Variants in DEFB108B observed in about 807,000 individuals in gnomAD.
DEFB108B encodes beta-defensin 108B.
Under a neutral mutation model 2.4 loss-of-function variants are expected in DEFB108B, and 3 were observed. That is an observed-to-expected ratio of 1.25 (90% CI 0.57 to 3.24). The LOEUF (loss-of-function observed/expected upper bound fraction) is 3.24. DEFB108B is among the 30% of genes most tolerant of loss of function. The pLI, the probability that DEFB108B is intolerant of heterozygous loss-of-function variation, is 0.03. For missense variants in DEFB108B, 101 were observed against 87.8 expected (o/e 1.15, Z -0.60); for synonymous variants, 25 against 28.7 (o/e 0.87, Z 0.41).
intron 1 of DEFB108B, among the ~76,000 whole-genome samples, chr11:71,836,374 G>C (rs548021449): frequency 2.0e-5 from 3 of 152,032 alleles, no homozygotes; most frequent in Non-Finnish European, 4.4e-5. Flanking sequence ...CAGTTAAATA[G>C]GCATTTATTG....
chr11:71,836,389 T>C (rs1345360021), intron 1 of DEFB108B, among the ~76,000 whole-genome samples: 1 of 152,212 alleles, frequency 6.6e-6, no homozygotes, highest in African/African-American at 2.4e-5. Context: ...TTATTGAATG[T>C]TTATTAAAAT....
At chr11:71,835,599 C>G (rs1209782610) in intron 1 of DEFB108B, among the ~76,000 whole-genome samples, 1 of 151,880 alleles carries the variant, frequency 6.6e-6, no homozygotes, top group Non-Finnish European at 1.5e-5. Flanking sequence ...GGATATACAC[C>G]CAGTAGTGAG....
chr11:71,836,793 T>A (rs527836439), intron 1 of DEFB108B, among the ~76,000 whole-genome samples: 80 of 152,320 alleles, frequency 5.3e-4, no homozygotes, highest in African/African-American at 1.8e-3. Flanking sequence ...CTGGCACAGA[T>A]ATATTTGTGT....
At position 71,837,678 on chromosome 11, in the gene DEFB108B, A is replaced by G. The variant is rs2121259556; in HGVS notation, c.*116A>G. ...CACAGGGATTTTTATTGAATCCTCA[A>G]AAAAGAATAAACCAAAACCAACCAG... is the stretch of plus-strand genomic sequence containing the variant. On this transcript the variant is annotated 3_prime_UTR_variant, in exon 2 of 2. Coordinates refer to ENST00000328698, the MANE Select transcript of DEFB108B (RefSeq NM_001002035.2). 1 of 1,366,080 alleles carries G rather than the reference A, an allele frequency of 7.3e-7. No homozygotes were observed. Among genetic ancestry groups the G allele is most frequent in the South Asian group, 1.5e-5 (1 of 67,628 alleles). 84.6% of individuals were successfully genotyped at this position (1,366,080 alleles called of 1,614,324 possible).
intron 1 of DEFB108B, among the ~76,000 whole-genome samples, chr11:71,836,800 G>T (rs138508288): frequency 6.6e-6 from 1 of 152,172 alleles, no homozygotes; most frequent in South Asian, 2.1e-4. Flanking sequence ...AGATATATTT[G>T]TGTATTAAAC....
chr11:71,835,481 C>T (rs1447608608), intron 1 of DEFB108B, among the ~76,000 whole-genome samples: 2 of 152,178 alleles, frequency 1.3e-5, no homozygotes, highest in African/African-American at 2.4e-5. Context: ...TTTATTCAAT[C>T]CACTGTTGAT....
rs367546709 is a variant in DEFB108B at position 71,837,497 on chromosome 11, C to T, written c.157C>T (p.Gln53Ter). The T allele has an allele frequency of 1.6e-4, 255 of 1,611,792 alleles. No individual in the cohort carries two copies. Among genetic ancestry groups the T allele is most frequent in the Middle Eastern group, 2.2e-4 (1 of 4,450 alleles). Reference protein sequence around the residue: ...EIHVGRCLNSQPCCLPLGHQP... With the variant: ...EIHVGRCLNS ...CCATGTTGGGAGATGTTTAAATAGC[C>T]AACCCTGCTGCCTGCCTCTGGGGCA... The change falls in exon 2 of 2, where the codon CAA becomes TAA. Residue 53 changes from glutamine (Q) to a stop codon, truncating the protein, a stop_gained. Transcript: ENST00000328698. LOFTEE classifies it low-confidence loss of function (END_TRUNC).
chr11:71,836,321 C>G (rs566941997), intron 1 of DEFB108B, among the ~76,000 whole-genome samples: 88 of 152,160 alleles, frequency 5.8e-4, no homozygotes, highest in African/African-American at 2.1e-3. Context: ...GCTTTGTGAC[C>G]ACTGAAAAGT....
intron 1 of DEFB108B, 129 bp from the exon 2 acceptor site, chr11:71,837,270 A>T: frequency 5.9e-6 from 6 of 1,019,092 alleles, no homozygotes; most frequent in South Asian, 1.5e-5. Flanking sequence ...ATCAAATCAC[A>T]CACACACACA....
chr11:71,835,654 T>C lies in DEFB108B; in HGVS notation c.59-1745T>C, dbSNP rs59647065. On this transcript the variant is annotated intron_variant, in intron 1 of 1. Transcript: ENST00000328698. The stretch of plus-strand genomic sequence containing the variant: ...GTTCTGTATTAAGTTTCTTGAAAAG[T>C]GGTTTGAAAATATAATGCTCAATAG... Among the ~76,000 whole-genome samples, 1,074 of 152,250 alleles carry C rather than the reference T, an allele frequency of 7.1e-3. 16 individuals carry two copies. Among genetic ancestry groups the C allele is most frequent in the African/African-American group, 0.022 (918 of 41,560 alleles).
Position 71,837,520 on chromosome 11 carries a change from G to T in DEFB108B, c.180G>T (p.Gly60=). 6.2e-7 allele frequency: 1 copy of T among 1,611,908 alleles called. No individual in the cohort carries two copies. Among genetic ancestry groups the T allele is most frequent in the Non-Finnish European group, 8.5e-7 (1 of 1,179,824 alleles). Residue 60 remains glycine (G), a synonymous_variant, in exon 2 of 2, where the codon GGG becomes GGT. Transcript: ENST00000328698. The part of the protein sequence containing the change: ...LNSQPCCLPL[G]HQPRIESTTP... ...GCCAACCCTGCTGCCTGCCTCTGGGGCATCAACCAAGAATTGAGAGCACTA... is the reference window on the plus strand; with the variant it reads ...GCCAACCCTGCTGCCTGCCTCTGGGTCATCAACCAAGAATTGAGAGCACTA...
intron 1 of DEFB108B, 92 bp from the exon 2 acceptor site, chr11:71,837,307 T>C: frequency 6.8e-7 from 1 of 1,473,610 alleles, no homozygotes; most frequent in Non-Finnish European, 9.4e-7. Flanking sequence ...CACACAAGAT[T>C]ATTTTCAAGC....
intron 1 of DEFB108B, among the ~76,000 whole-genome samples, chr11:71,835,761 C>A (rs1590715323): frequency 6.6e-6 from 1 of 152,248 alleles, no homozygotes; most frequent in East Asian, 1.9e-4. Flanking sequence ...AAACATATTG[C>A]AAGTTAGAAA....
chr11:71,837,425 G>A lies in DEFB108B; in HGVS notation c.85G>A (p.Glu29Lys). Residue 29 changes from glutamate to lysine, a missense_variant, in exon 2 of 2, where the codon GAA becomes AAA. Transcript: ENST00000328698. ...CAGGGGCAAATTCAAGGAGATCTGT[G>A]AACGTCCAAATGGCTCCTGTCGGGA... ...PARGKFKEICERPNGSCRDFC... is the reference protein window; with the variant it reads ...PARGKFKEICKRPNGSCRDFC... 2 of 1,611,946 alleles carry A rather than the reference G, an allele frequency of 1.2e-6. No homozygotes were observed. The highest frequency in any genetic ancestry group is 1.7e-6 in the Non-Finnish European group (2 of 1,179,804).
At chr11:71,836,618 T>C (rs1250167924) in intron 1 of DEFB108B, among the ~76,000 whole-genome samples, 1 of 152,318 alleles carries the variant, frequency 6.6e-6, no homozygotes, top group Middle Eastern at 3.4e-3. Flanking sequence ...AGGACATAAA[T>C]GAAATACTAT....
chr11:71,837,477 T>C lies in DEFB108B; in HGVS notation c.137T>C (p.Val46Ala), dbSNP rs199595023. 42 of 1,611,940 alleles carry C rather than the reference T, an allele frequency of 2.6e-5. No individual in the cohort carries two copies. Among genetic ancestry groups the C allele is most frequent in the East Asian group, 6.7e-5 (3 of 44,882 alleles). The change falls in exon 2 of 2, where the codon GTT becomes GCT. Residue 46 changes from valine (V) to alanine (A), a missense_variant. By Grantham distance (64) the Val-to-Ala change is moderately conservative. Transcript: ENST00000328698. Reference protein sequence around the residue: ...RDFCLETEIHVGRCLNSQPCC... With the variant: ...RDFCLETEIHAGRCLNSQPCC... Reference sequence around the variant, plus strand: ...TTTTGCCTTGAAACAGAAATCCATGTTGGGAGATGTTTAAATAGCCAACCC... The same window carrying C: ...TTTTGCCTTGAAACAGAAATCCATGCTGGGAGATGTTTAAATAGCCAACCC...
intron 1 of DEFB108B, 113 bp downstream of exon 1, chr11:71,833,370 G>A (rs1952192933): frequency 6.7e-7 from 1 of 1,500,846 alleles, no homozygotes; most frequent in Non-Finnish European, 9.0e-7. Context: ...TAGGAAATCT[G>A]GAAGACTCAT....
At position 71,837,412 on chromosome 11, in the gene DEFB108B, C is replaced by CAA. The variant is rs775589583; in HGVS notation, c.73_74dup (p.Glu26ArgfsTer26). The CAA allele has an allele frequency of 9.9e-6, 16 of 1,611,692 alleles. No individual in the cohort carries two copies. The African/African-American group carries it at 2.1e-4, about 22-fold the overall frequency. On this transcript the variant is annotated frameshift_variant, in exon 2 of 2. Coordinates refer to ENST00000328698, the MANE Select transcript of DEFB108B (RefSeq NM_001002035.2). LOFTEE classifies it low-confidence loss of function (END_TRUNC). ...TTCTTCATGTAGCCAGGGGCAAATT[C>CAA]AAGGAGATCTGTGAACGTCCAAATG...
chr11:71,834,575 C>T lies in DEFB108B; in HGVS notation c.58+1318C>T, dbSNP rs528095131. ...ATTACTCACAGTCAAAAATGGGATG[C>T]AACAAGACTGGAGAAGAAAACACAG... On this transcript the variant is annotated intron_variant, in intron 1 of 1. Transcript: ENST00000328698. The T allele has an allele frequency of 1.8e-4, 27 of 152,246 alleles. No homozygotes were observed. The East Asian group carries it at 4.8e-3, about 27-fold the overall frequency. 9.4% of individuals were successfully genotyped at this position (152,246 alleles called of 1,614,324 possible).
Sources: allele counts gnomAD v4.1 joint callset (sites outside exome capture counted in the v4.1 genomes callset), GRCh38; gene constraint gnomAD v4.1.1; transcripts MANE v1.5; gene names NCBI Gene and HGNC (gene_info 2026-07-23, HGNC 2026-07-21).